ZNF23: variants seen among roughly 807,000 people sequenced by gnomAD.
ZNF23 encodes the protein kruppel-like zinc finger factor X31.
A neutral mutation model predicts 56.2 loss-of-function variants in ZNF23; 48 were observed. That is an observed-to-expected ratio of 0.85 (90% CI 0.68 to 1.09). ZNF23 has a LOEUF of 1.09. Ranked by LOEUF, ZNF23 falls within the 50% of genes least tolerant of loss-of-function variation. The pLI, the probability that ZNF23 is intolerant of heterozygous loss-of-function variation, is 0.00. For synonymous variants in ZNF23, 266 were observed against 283.3 expected, an observed-to-expected ratio of 0.94 and a Z score of 0.61; for missense variants, 805 against 811.4, an observed-to-expected ratio of 0.99 and a Z score of 0.10.
At chr16:71,450,126 A>G (rs988200366) in intron 4 of ZNF23, 62 of 353,764 alleles carry the variant, frequency 1.8e-4, no homozygotes, top group Non-Finnish European at 2.7e-4. Flanking sequence ...TGGAAAAACA[A>G]GTTGAAAAAA....
At chr16:71,450,718 C>CAAAAA in intron 4 of ZNF23, 1 of 352,882 alleles carries the variant, frequency 2.8e-6, no homozygotes, top group Non-Finnish European at 5.5e-6. Flanking sequence ...GACTCCATCT[C>CAAAAA]AAAAAAAAAA....
intron 1 of ZNF23, among the ~76,000 whole-genome samples, chr16:71,458,254 T>C (rs2043310291): frequency 6.6e-6 from 1 of 152,204 alleles, no homozygotes; most frequent in South Asian, 2.1e-4. Context: ...CAAAAACATA[T>C]GGACTAGTGA....
intron 2 of ZNF23, chr16:71,456,109 A>G (rs1268134476): frequency 2.2e-6 from 1 of 451,520 alleles, no homozygotes; most frequent in Non-Finnish European, 4.4e-6. Context: ...GCTTCAGGGG[A>G]TCCGTGAAGT....
chr16:71,461,314 C>G (rs1055507396), intron 1 of ZNF23, among the ~76,000 whole-genome samples: 1 of 151,796 alleles, frequency 6.6e-6, no homozygotes, highest in Admixed American at 6.6e-5. Context: ...AATATATAAA[C>G]CAGCAAGGAT....
chr16:71,452,009 T>A (rs1204305881), intron 4 of ZNF23: 1 of 152,262 alleles, frequency 6.6e-6, no homozygotes, highest in Non-Finnish European at 1.5e-5. Context: ...CCCTTTGCCC[T>A]CCCTTCTGCC....
intron 4 of ZNF23, chr16:71,450,761 C>T (rs2043032351): frequency 2.4e-6 from 1 of 417,214 alleles, no homozygotes; most frequent in African/African-American, 2.1e-5. Flanking sequence ...AATTCTAGGT[C>T]TTGTCCACCA....
rs1216521493 is a variant in ZNF23, at chr16:71,454,100, T to G, written c.102A>C (p.Ala34=). 2 of 1,613,988 alleles carry G rather than the reference T, an allele frequency of 1.2e-6. No homozygotes were observed. Among genetic ancestry groups the G allele is most frequent in the Middle Eastern group, 1.6e-4 (1 of 6,084 alleles). ...TCACATCCCTGTACAGGGTCCTCTG[T>G]GCAGGGGACAGGCCATCCCATTCCG... ...TQAEWDGLSP[A]QRTLYRDVML... Residue 34 remains alanine (A), a synonymous_variant, in exon 3 of 5, where the codon GCA becomes GCC. Coordinates refer to ENST00000647773, the MANE Select transcript of ZNF23 (RefSeq NM_001381984.1).
chr16:71,457,765 A>T (rs1266450665), intron 1 of ZNF23, among the ~76,000 whole-genome samples: 1 of 152,212 alleles, frequency 6.6e-6, no homozygotes, highest in Non-Finnish European at 1.5e-5. Context: ...ATGTATGCAG[A>T]GCCTAAAAAA....
chr16:71,454,728 G>T (rs1402731548), intron 2 of ZNF23, among the ~76,000 whole-genome samples: 1 of 152,202 alleles, frequency 6.6e-6, no homozygotes, highest in Non-Finnish European at 1.5e-5. Flanking sequence ...AGGCTGCAGG[G>T]TCTTCCTGGA....
intron 1 of ZNF23, among the ~76,000 whole-genome samples, chr16:71,457,490 G>A (rs2043279996): frequency 6.6e-6 from 1 of 152,120 alleles, no homozygotes. Flanking sequence ...GTGAACCCGG[G>A]AGGCAGAGCT....
rs1276367867 is a variant in ZNF23, at chr16:71,449,240, C to T, written c.914G>A (p.Ser305Asn). Residue 305 changes from serine (S) to asparagine (N), a missense_variant, in exon 5 of 5, where the codon AGT (serine) becomes AAT (asparagine). Coordinates refer to ENST00000647773, the MANE Select transcript of ZNF23 (RefSeq NM_001381984.1). ...ATGCCTACTTAGGCTTCCATTAACA[C>T]TGAAGGCCTTCCCACACATCTTACA... is the stretch of plus-strand genomic sequence containing the variant. ...YQCKMCGKAF[S>N]VNGSLSRHQR... 1.9e-6 allele frequency: 3 copies of T among 1,614,134 alleles called. No homozygotes were observed. The highest frequency in any genetic ancestry group is 1.7e-6 in the Non-Finnish European group (2 of 1,180,020).
At chr16:71,451,398 T>TA (rs2043051738) in intron 4 of ZNF23, 1 of 152,062 alleles carries the variant, frequency 6.6e-6, no homozygotes, top group African/African-American at 2.4e-5. Flanking sequence ...TCTTCCCAAC[T>TA]AAAAAAATAA....
chr16:71,457,319 C>T (rs2043270663), intron 1 of ZNF23, among the ~76,000 whole-genome samples: 1 of 151,860 alleles, frequency 6.6e-6, no homozygotes, highest in African/African-American at 2.4e-5. Context: ...AATCCCAGCA[C>T]TTTGGGAGGC....
intron 2 of ZNF23, 148 bp downstream of exon 2, chr16:71,456,616 G>A: frequency 1.2e-6 from 1 of 842,042 alleles, no homozygotes; most frequent in Non-Finnish European, 1.4e-6. Flanking sequence ...CCTGGTCTCT[G>A]CCGCCCTCCC....
chr16:71,448,818 C>T lies in ZNF23; in HGVS notation c.1336G>A (p.Val446Ile). The T allele has an allele frequency of 1.2e-6, 2 of 1,614,196 alleles. No homozygotes were observed. The highest frequency in any genetic ancestry group is 1.6e-4 in the Middle Eastern group (1 of 6,062). ...TGGTGTTGGATTAACTTCCCTTTGACACTGAAGGCTTTTCCACATTCAGTG... is the reference window on the plus strand; with the variant it reads ...TGGTGTTGGATTAACTTCCCTTTGATACTGAAGGCTTTTCCACATTCAGTG... ...ECTECGKAFSVKGKLIQHQRI... is the reference protein window; with the variant it reads ...ECTECGKAFSIKGKLIQHQRI... Residue 446 changes from valine to isoleucine, a missense_variant, in exon 5 of 5, where the codon GTC becomes ATC. Val to Ile is a conservative substitution (Grantham distance 29, BLOSUM62 3). Transcript: ENST00000647773.
chr16:71,459,436 T>G (rs180878429), intron 1 of ZNF23, among the ~76,000 whole-genome samples: 1 of 152,388 alleles, frequency 6.6e-6, no homozygotes, highest in East Asian at 1.9e-4. Context: ...TGTCTTTCAC[T>G]CTGCCCCTGT....
chr16:71,447,859 C>T lies in ZNF23; in HGVS notation c.*234G>A, dbSNP rs190542278. The T allele has an allele frequency of 3.3e-4, 117 of 353,854 alleles. No homozygotes were observed. Among genetic ancestry groups the T allele is most frequent in the East Asian group, 3.1e-4 (7 of 22,534 alleles). 21.9% of individuals were successfully genotyped at this position (353,854 alleles called of 1,614,324 possible). ...CTACTTTTCTTGATGCTGCTGGGAA[C>T]GAAATCTTTTCATTATATTTTCTAA... is the stretch of plus-strand genomic sequence containing the variant. On this transcript the variant is annotated 3_prime_UTR_variant, in exon 5 of 5. Coordinates refer to ENST00000647773, the MANE Select transcript of ZNF23 (RefSeq NM_001381984.1).
At chr16:71,461,593 T>C (rs1214265218) in intron 1 of ZNF23, 1 of 152,222 alleles carries the variant, frequency 6.6e-6, no homozygotes, top group East Asian at 1.9e-4. Context: ...GAATTCGTAA[T>C]TACGTTGTAG....
chr16:71,449,100 C>T lies in ZNF23; in HGVS notation c.1054G>A (p.Glu352Lys), dbSNP rs570346296. ...QRVHTGEKPY[E>K]CNDCGKAFNV... ...AACGCTTTCCCACAGTCATTACACT[C>T]GTAAGGTTTCTCTCCAGTGTGGACT... Residue 352 changes from glutamate (E) to lysine (K), a missense_variant, in exon 5 of 5, where the codon GAG becomes AAG. Coordinates refer to ENST00000647773, the MANE Select transcript of ZNF23 (RefSeq NM_001381984.1). 877 of 1,614,142 alleles carry T rather than the reference C, an allele frequency of 5.4e-4. 15 individuals carry two copies. In the South Asian group the frequency reaches 9.1e-3, roughly 17 times the overall value.
Sources: allele counts gnomAD v4.1 joint callset (sites outside exome capture counted in the v4.1 genomes callset), GRCh38; gene constraint gnomAD v4.1.1; transcripts MANE v1.5; gene names NCBI Gene and HGNC (gene_info 2026-07-23, HGNC 2026-07-21).